The following RARB variants were observed in gnomAD, a reference collection of about 807,000 sequenced individuals.
RARB encodes HBV-activated protein.
A neutral mutation model predicts 51.9 loss-of-function variants in RARB; 17 were observed. The observed-to-expected ratio is 0.33, with a 90% CI of 0.22 to 0.49. The LOEUF (loss-of-function observed/expected upper bound fraction) is 0.49, where lower values mean the gene tolerates loss of function less well. RARB is among the 20% of genes least tolerant of loss of function. The pLI, the probability that RARB is intolerant of heterozygous loss-of-function variation, is 0.99. For missense variants in RARB, 369 were observed against 550.8 expected (o/e 0.67, Z 3.30); for synonymous variants, 215 against 195.4 (o/e 1.10, Z -0.84).
At chr3:25,205,509 G>A (rs951868445) in intron 5 of RARB, among the ~76,000 whole-genome samples, 8 of 152,026 alleles carry the variant, frequency 5.3e-5, no homozygotes, top group East Asian at 1.9e-4. Context: ...TTTGTCTTCT[G>A]CGTTGCTCAC....
intron 2 of RARB, among the ~76,000 whole-genome samples, chr3:24,980,409 A>G (rs76338178): frequency 6.6e-6 from 1 of 152,154 alleles, no homozygotes; most frequent in African/African-American, 2.4e-5. Context: ...AGGTACACCA[A>G]TCAAATGTAG....
chr3:25,354,834 A>C (rs1277855327), intron 5 of RARB, among the ~76,000 whole-genome samples: 2 of 151,944 alleles, frequency 1.3e-5, no homozygotes, highest in Non-Finnish European at 2.9e-5. Flanking sequence ...GAGTTTCATG[A>C]ACTGGGAAAA....
Position 25,225,928 on chromosome 3 carries a change from A to G in RARB, c.178+51353A>G, listed in dbSNP as rs564617529. Among the ~76,000 whole-genome samples the G allele has an allele frequency of 8.5e-4, 130 of 152,328 alleles. No homozygotes were observed. In the Middle Eastern group the frequency reaches 0.01, roughly 12 times the overall value. On this transcript the variant is annotated intron_variant, in intron 5 of 11. Coordinates refer to the RARB transcript ENST00000383772. The stretch of plus-strand genomic sequence containing the variant: ...TTTGCGTTGCAAAGTTTGTTTGGTC[A>G]TCTTCCAAATAAGGATGCATTTATT...
chr3:25,019,184 G>T (rs1697576264), intron 2 of RARB, among the ~76,000 whole-genome samples: 1 of 152,154 alleles, frequency 6.6e-6, no homozygotes, highest in Non-Finnish European at 1.5e-5. Flanking sequence ...ATGCTAGGGA[G>T]AAATAATTTT....
intron 5 of RARB, among the ~76,000 whole-genome samples, chr3:25,207,834 A>G (rs1484490332): frequency 6.6e-6 from 1 of 152,216 alleles, no homozygotes; most frequent in African/African-American, 2.4e-5. Flanking sequence ...CAAAGGAACA[A>G]CTGAAACTAG....
At chr3:25,382,060 C>T (rs1706643792) in intron 5 of RARB, among the ~76,000 whole-genome samples, 2 of 152,162 alleles carry the variant, frequency 1.3e-5, no homozygotes, top group Admixed American at 1.3e-4. Flanking sequence ...AACTGAGGAA[C>T]ATTAGCATCA....
chr3:25,120,466 T>C (rs1488199345), intron 3 of RARB, among the ~76,000 whole-genome samples: 2 of 151,998 alleles, frequency 1.3e-5, no homozygotes, highest in South Asian at 2.1e-4. Context: ...ACCAGTTAAA[T>C]GTAAAACACT....
intron 5 of RARB, among the ~76,000 whole-genome samples, chr3:25,225,973 A>G (rs1702046568): frequency 6.6e-6 from 1 of 152,194 alleles, no homozygotes; most frequent in Non-Finnish European, 1.5e-5. Flanking sequence ...ATCAGAAAAT[A>G]GATATATAAT....
chr3:25,254,587 C>G (rs1450112803), intron 5 of RARB, among the ~76,000 whole-genome samples: 1 of 151,368 alleles, frequency 6.6e-6, no homozygotes, highest in African/African-American at 2.4e-5. Context: ...AACGGTATCA[C>G]TTACAGCTGG....
In RARB at chr3:25,109,737, C is replaced by T. The variant is rs544610291; in HGVS notation, c.-327-22424C>T. Among the ~76,000 whole-genome samples, 18 of 152,238 alleles carry T rather than the reference C, an allele frequency of 1.2e-4. 1 individual carries two copies. Among genetic ancestry groups the T allele is most frequent in the Middle Eastern group, 3.4e-3 (1 of 292 alleles). ...GCAGGTTTGCTTCCCTTTCCGTGAG[C>T]GTTACGTCAGCCATGCTTCTTCATT... On this transcript the variant is annotated intron_variant, in intron 3 of 11. Transcript: ENST00000383772.
chr3:25,552,846 C>G (rs943245376), intron 3 of RARB, among the ~76,000 whole-genome samples: 1 of 152,102 alleles, frequency 6.6e-6, no homozygotes, highest in Non-Finnish European at 1.5e-5. Flanking sequence ...ACCATTGAAG[C>G]AGAGTGTTGA....
intron 4 of RARB, 58 bp from the exon 5 acceptor site, chr3:25,580,488 T>TC (rs1335199516): frequency 5.0e-6 from 7 of 1,410,840 alleles, no homozygotes; most frequent in Non-Finnish European, 6.7e-6. Flanking sequence ...ATTGAATTTC[T>TC]CCCCTCCTAT....
chr3:25,211,587 C>G (rs1376944202), intron 5 of RARB, among the ~76,000 whole-genome samples: 1 of 152,126 alleles, frequency 6.6e-6, no homozygotes, highest in African/African-American at 2.4e-5. Context: ...CTGCCTGGTT[C>G]AACTCCCCAT....
chr3:24,872,731 T>C (rs1702971629), intron 2 of RARB, among the ~76,000 whole-genome samples: 1 of 152,144 alleles, frequency 6.6e-6, no homozygotes, highest in African/African-American at 2.4e-5. Flanking sequence ...CCCAAACTTC[T>C]ACCACCAGGC....
intron 2 of RARB, among the ~76,000 whole-genome samples, chr3:24,885,356 C>A (rs1046758499): frequency 2.6e-5 from 4 of 151,968 alleles, no homozygotes; most frequent in African/African-American, 9.7e-5. Flanking sequence ...ATTGTGAGGC[C>A]TTTTGACAAG....
chr3:25,388,670 C>G (rs945279266), intron 5 of RARB, among the ~76,000 whole-genome samples: 2 of 152,042 alleles, frequency 1.3e-5, no homozygotes, highest in African/African-American at 2.4e-5. Flanking sequence ...TTTTGTCTAC[C>G]ATTGTGACAA....
chr3:25,524,196 T>C (rs1296710704), intron 3 of RARB, among the ~76,000 whole-genome samples: 1 of 152,226 alleles, frequency 6.6e-6, no homozygotes, highest in Non-Finnish European at 1.5e-5. Flanking sequence ...ATGCACTTTC[T>C]GAGGAATTTG....
chr3:24,898,640 A>G lies in RARB; in HGVS notation c.-380+39888A>G, dbSNP rs149202568. Among the ~76,000 whole-genome samples, 717 of 152,210 alleles carry G rather than the reference A, an allele frequency of 4.7e-3. 2 individuals carry two copies. The highest frequency in any genetic ancestry group is 0.016 in the African/African-American group (678 of 41,532). ...TGAATACTTTTTCTTCTACTTTTCT[A>G]TTTTATATATCAATTGTAGTACATA... On this transcript the variant is annotated intron_variant, in intron 2 of 11. Transcript: ENST00000383772.
chr3:25,285,780 C>T (rs1478716815), intron 5 of RARB, among the ~76,000 whole-genome samples: 2 of 152,138 alleles, frequency 1.3e-5, no homozygotes, highest in African/African-American at 2.4e-5. Context: ...GAGTTGATGG[C>T]AAAGCCAAAG....
Sources: allele counts gnomAD v4.1 joint callset (sites outside exome capture counted in the v4.1 genomes callset), GRCh38; gene constraint gnomAD v4.1.1; transcripts MANE v1.5; gene names NCBI Gene and HGNC (gene_info 2026-07-23, HGNC 2026-07-21).